CACNA1B: variants seen among roughly 807,000 people sequenced by gnomAD.
The protein encoded by CACNA1B is calcium voltage-gated channel subunit alpha1 B.
A neutral mutation model predicts 247.2 loss-of-function variants in CACNA1B; 70 were observed. The observed-to-expected ratio is 0.28, with a 90% CI of 0.23 to 0.35. The LOEUF is 0.35. CACNA1B is among the 10% of genes least tolerant of loss of function. The pLI, the probability that CACNA1B is intolerant of heterozygous loss-of-function variation, is 1.00. For synonymous variants in CACNA1B, 1,231 were observed against 1,294.4 expected (o/e 0.95, Z 1.05); for missense variants, 2,367 against 3,197.4 (o/e 0.74, Z 6.26).
rs769389392 is a variant in CACNA1B, at chr9:137,950,537, T to G, written c.967-1737T>G. 1.3e-5 allele frequency among the ~76,000 whole-genome samples: 2 copies of G among 152,190 alleles called. No individual in the cohort carries two copies. Among genetic ancestry groups the G allele is most frequent in the Non-Finnish European group, 2.9e-5 (2 of 68,018 alleles). ...GGGTGAGGGGATTCGGATGCCTCACTGCAGTCTAGGTGCTCCTCTGGGTCT... is the reference window on the plus strand; with the variant it reads ...GGGTGAGGGGATTCGGATGCCTCACGGCAGTCTAGGTGCTCCTCTGGGTCT... On this transcript the variant is annotated intron_variant, in intron 6 of 46. Coordinates refer to ENST00000371372, the MANE Select transcript of CACNA1B (RefSeq NM_000718.4). The surrounding 1 kb of genome is among the most constrained non-coding windows in gnomAD (Gnocchi z 4.8).
intron 20 of CACNA1B, among the ~76,000 whole-genome samples, chr9:138,034,167 A>G (rs1370616823): frequency 6.6e-6 from 1 of 152,148 alleles, no homozygotes; most frequent in Non-Finnish European, 1.5e-5. Flanking sequence ...ACCTCCAGGT[A>G]GCAGTAGAAG....
chr9:138,112,425 C>G lies in CACNA1B; in HGVS notation c.5456C>G (p.Ala1819Gly). 2 of 1,613,552 alleles carry G rather than the reference C, an allele frequency of 1.2e-6. No homozygotes were observed. The highest frequency in any genetic ancestry group is 1.1e-5 in the South Asian group (1 of 91,074). ...PAGTKQHQCD[A>G]ELRKEISVVW... Reference sequence around the variant, plus strand: ...GGGACAAAGCAGCATCAGTGTGACGCGGAGTTGAGGAAGGAGATTTCCGTT... The same window carrying G: ...GGGACAAAGCAGCATCAGTGTGACGGGGAGTTGAGGAAGGAGATTTCCGTT... The change falls in exon 40 of 47, where the codon GCG (alanine) becomes GGG (glycine). Residue 1819 changes from alanine (A) to glycine (G), a missense_variant. Around this residue, in one of 12 missense-constraint regions of CACNA1B, gnomAD observed 773 missense variants for 779.4 expected, o/e 0.99. Transcript: ENST00000371372.
rs200653483 is a variant in CACNA1B, at chr9:138,120,860, G to A, written c.6468G>A (p.Gln2156=). ...ACCCAACGTCGCCAACAGCTGGCCA[G>A]GAGCCGGGACCCCACCCACAGGTAA... is the stretch of plus-strand genomic sequence containing the variant. ...SSHPTSPTAG[Q]EPGPHPQGSG... The change falls in exon 46 of 47, where the codon CAG becomes CAA. Residue 2156 remains glutamine, a synonymous_variant. Transcript: ENST00000371372. The A allele has an allele frequency of 1.6e-4, 251 of 1,572,406 alleles. 2 individuals carry two copies. In the South Asian group the frequency reaches 2.8e-3, roughly 17 times the overall value.
chr9:137,970,589 T>G (rs1438246775), intron 10 of CACNA1B, among the ~76,000 whole-genome samples: 1 of 152,038 alleles, frequency 6.6e-6, no homozygotes, highest in African/African-American at 2.4e-5. Flanking sequence ...CTGTCGGAGG[T>G]GAGCCGAGGG....
intron 18 of CACNA1B, among the ~76,000 whole-genome samples, chr9:138,013,680 G>C (rs946217695): frequency 6.6e-6 from 1 of 152,274 alleles, no homozygotes; most frequent in Non-Finnish European, 1.5e-5. Context: ...CTCTGCAAGT[G>C]TTTGGTACTG....
chr9:137,954,879 T>TGTGTGTGTGTGTGTGTGTGAGA lies in CACNA1B; in HGVS notation c.1071-818_1071-817insTGTGTGTGTGTGTGTGTGAGAG, dbSNP rs1440887333. 2.8e-5 allele frequency among the ~76,000 whole-genome samples: 4 copies of TGTGTGTGTGTGTGTGTGTGAGA among 145,282 alleles called. No individual in the cohort carries two copies. The highest frequency in any genetic ancestry group is 4.4e-4 in the South Asian group (2 of 4,518). ...GCTTGTGTGTGTGTGTGTGTGTGTG[T>TGTGTGTGTGTGTGTGTGTGAGA]GAGAGAGAGAGAGAGAGAGAGAGGG... On this transcript the variant is annotated intron_variant, in intron 7 of 46. Transcript: ENST00000371372. The surrounding 1 kb of genome is among the most constrained non-coding windows in gnomAD (Gnocchi z 4.1).
At chr9:137,989,052 C>T (rs1425992576) in intron 15 of CACNA1B, among the ~76,000 whole-genome samples, 2 of 152,188 alleles carry the variant, frequency 1.3e-5, no homozygotes, top group African/African-American at 2.4e-5. Context: ...CAGCCAGCAT[C>T]CCAGACAGTG....
At chr9:137,892,044 C>T (rs1248204192) in intron 3 of CACNA1B, 1 of 457,298 alleles carries the variant, frequency 2.2e-6, no homozygotes, top group South Asian at 1.5e-5. Context: ...TGTGTCTTCT[C>T]CACTCCCACC....
chr9:137,902,767 C>A (rs867802768), intron 3 of CACNA1B, among the ~76,000 whole-genome samples: 1 of 152,162 alleles, frequency 6.6e-6, no homozygotes, highest in Non-Finnish European at 1.5e-5. Context: ...TGCGGGCACC[C>A]CCCTCCTGTC....
Position 137,986,950 on chromosome 9 carries a change from C to G in CACNA1B, c.1974+96C>G. On this transcript the variant is annotated intron_variant, in intron 15 of 46. Coordinates refer to ENST00000371372, the MANE Select transcript of CACNA1B (RefSeq NM_000718.4). The surrounding 1 kb of genome is among the most constrained non-coding windows in gnomAD (Gnocchi z 6.0). ...TCTCCTGTCATTCCCTCCCTTGTTC[C>G]TCCACACGGCCCAGATCACTGACTT... The G allele has an allele frequency of 1.1e-6, 1 of 910,526 alleles. No individual in the cohort carries two copies. The highest frequency in any genetic ancestry group is 1.8e-6 in the Non-Finnish European group (1 of 546,004). 56.4% of individuals were successfully genotyped at this position (910,526 alleles called of 1,614,324 possible). A position where few individuals can be genotyped will look rare whatever the true frequency, so the allele number is the denominator to read the frequency against.
rs531763883 is a variant in CACNA1B, at chr9:138,014,035, C to T, written c.2267+800C>T. On this transcript the variant is annotated intron_variant, in intron 18 of 46. Coordinates refer to ENST00000371372, the MANE Select transcript of CACNA1B (RefSeq NM_000718.4). This position sits in a 1 kb window ranked among gnomAD's most constrained non-coding sequence, Gnocchi z 6.2. ...GATGGGCGGGCCCCAGCTCTTCAGC[C>T]GGCCACCCGCCCTGCCGTGAACACG... Among the ~76,000 whole-genome samples, 12 of 152,376 alleles carry T rather than the reference C, an allele frequency of 7.9e-5. No individual in the cohort carries two copies. Among genetic ancestry groups the T allele is most frequent in the South Asian group, 4.1e-4 (2 of 4,826 alleles).
Position 138,050,709 on chromosome 9 carries a change from A to T in CACNA1B, c.3711-1383A>T, listed in dbSNP as rs1471356816. On this transcript the variant is annotated intron_variant, in intron 24 of 46. Transcript: ENST00000371372. This position sits in a 1 kb window ranked among gnomAD's most constrained non-coding sequence, Gnocchi z 5.2. ...GACGCTCCCCCAGAAAGCCTCATTT[A>T]CTGGGTGACAAAACAGTATCCCCTC... Among the ~76,000 whole-genome samples, 1 of 152,138 alleles carries T rather than the reference A, an allele frequency of 6.6e-6. No homozygotes were observed. The highest frequency in any genetic ancestry group is 2.4e-5 in the African/African-American group (1 of 41,414).
At chr9:137,964,146 G>C (rs1958050226) in intron 10 of CACNA1B, among the ~76,000 whole-genome samples, 1 of 152,110 alleles carries the variant, frequency 6.6e-6, no homozygotes, top group South Asian at 2.1e-4. Context: ...TTCAACCTTA[G>C]AGAGTCTGAT....
At chr9:138,060,318 C>T (rs1361568273) in intron 31 of CACNA1B, among the ~76,000 whole-genome samples, 1 of 152,196 alleles carries the variant, frequency 6.6e-6, no homozygotes, top group Non-Finnish European at 1.5e-5. Flanking sequence ...TTTGTTTGGT[C>T]TTAGGTTGAA....
Position 138,050,205 on chromosome 9 carries a change from G to C in CACNA1B, c.3710+890G>C, listed in dbSNP as rs1053098044. 3.3e-4 allele frequency: 246 copies of C among 746,916 alleles called. No individual in the cohort carries two copies. Among genetic ancestry groups the C allele is most frequent in the Non-Finnish European group, 4.6e-4 (228 of 497,198 alleles). 46.3% of individuals were successfully genotyped at this position (746,916 alleles called of 1,614,324 possible). ...CATCCACTTTCACCCCATCGGGGCTGCATGCTGCCGGGAGCCAAGTCCCCG... is the reference window on the plus strand; with the variant it reads ...CATCCACTTTCACCCCATCGGGGCTCCATGCTGCCGGGAGCCAAGTCCCCG... On this transcript the variant is annotated intron_variant, in intron 24 of 46. Coordinates refer to ENST00000371372, the MANE Select transcript of CACNA1B (RefSeq NM_000718.4). The surrounding 1 kb of genome is among the most constrained non-coding windows in gnomAD (Gnocchi z 5.2).
At chr9:137,897,451 G>A (rs1182113441) in intron 3 of CACNA1B, among the ~76,000 whole-genome samples, 3 of 151,942 alleles carry the variant, frequency 2.0e-5, no homozygotes, top group Admixed American at 2.0e-4. Flanking sequence ...GTGGTGACGG[G>A]CGCCTGTACT....
intron 18 of CACNA1B, among the ~76,000 whole-genome samples, chr9:138,015,089 G>A (rs1958774114): frequency 6.6e-6 from 1 of 152,120 alleles, no homozygotes; most frequent in Non-Finnish European, 1.5e-5. Context: ...CTGCCTCACG[G>A]TGGGTCTGGA....
At chr9:138,013,400 C>G (rs1305643540) in intron 18 of CACNA1B, among the ~76,000 whole-genome samples, 165 bp downstream of exon 18, 2 of 152,120 alleles carry the variant, frequency 1.3e-5, no homozygotes, top group Admixed American at 1.3e-4. Flanking sequence ...AGCCTGGGGG[C>G]TCCAGGGCTT....
chr9:138,017,044 C>A (rs138573486), intron 18 of CACNA1B: 1 of 479,602 alleles, frequency 2.1e-6, no homozygotes, highest in East Asian at 6.0e-5. Context: ...TGGCAGCCTG[C>A]GCCTACACTG....
Sources: gnomAD v4.1 joint callset for allele counts (sites outside exome capture counted in the v4.1 genomes callset) on GRCh38, gnomAD v4.1.1 for gene constraint, gnomAD v4.1.1 regional missense constraint, Gnocchi (gnomAD v3.1) non-coding constraint, MANE v1.5 for transcripts, NCBI Gene and HGNC (gene_info 2026-07-23, HGNC 2026-07-21) for gene names.